The following PCDH11Y variants were observed in gnomAD, a reference collection of about 807,000 sequenced individuals.
PCDH11Y encodes protocadherin 11 Y-linked.
For missense variants in PCDH11Y, 12 were observed against 224.8 expected (o/e 0.05, Z 6.05); for synonymous variants, 9 against 83.6 (o/e 0.11, Z 4.87).
chrY:5,099,194 C>G (rs2052763594), exon 2 of PCDH11Y: 1 of 396,556 alleles, frequency 2.5e-6, no homozygotes, highest in African/African-American at 6.5e-5. Context: ...CTGCTAGGCC[C>G]TGATGCTCCA....
At chrY:5,002,769 AC>A (rs2052533004) in intron 1 of PCDH11Y, 5 of 34,317 alleles carry the variant, frequency 1.5e-4, no homozygotes, top group Admixed American at 1.3e-3. Flanking sequence ...GTCTAAAGAT[AC>A]CTTTCTCCCT....
At chrY:5,231,761 G>A in intron 2 of PCDH11Y, among the ~76,000 whole-genome samples, 3 of 33,201 alleles carry the variant, frequency 9.0e-5, no homozygotes, top group Non-Finnish European at 1.5e-4. Context: ...CCCTATGTGC[G>A]TCCAGAAGAA....
chrY:5,240,360 T>C, intron 2 of PCDH11Y, among the ~76,000 whole-genome samples: 1 of 33,041 alleles, frequency 3.0e-5, no homozygotes. Flanking sequence ...AATATTGATA[T>C]TTTGACCTCC....
intron 2 of PCDH11Y, among the ~76,000 whole-genome samples, chrY:5,400,238 G>T (rs2053231532): frequency 5.7e-5 from 2 of 34,808 alleles, no homozygotes; most frequent in African/African-American, 2.2e-4. Context: ...GATTGCTCAT[G>T]CTATTGTTTG....
At chrY:5,025,587 A>G in intron 1 of PCDH11Y, among the ~76,000 whole-genome samples, 1 of 33,711 alleles carries the variant, frequency 3.0e-5, no homozygotes, top group South Asian at 6.3e-4. Context: ...TTTACCAAAT[A>G]AGTCTTTTCA....
chrY:5,189,832 T>A (rs2124648112), intron 2 of PCDH11Y, among the ~76,000 whole-genome samples: 1 of 33,304 alleles, frequency 3.0e-5, no homozygotes, highest in South Asian at 6.6e-4. Context: ...TTTAATGACT[T>A]ATAATGGAAG....
intron 4 of PCDH11Y, among the ~76,000 whole-genome samples, chrY:5,594,466 C>G: frequency 3.2e-5 from 1 of 31,077 alleles, no homozygotes; most frequent in Non-Finnish European, 7.9e-5. Context: ...ACACACACAC[C>G]CCACACACAC....
intron 1 of PCDH11Y, among the ~76,000 whole-genome samples, chrY:5,001,976 A>G: frequency 2.9e-5 from 1 of 34,022 alleles, no homozygotes; most frequent in Non-Finnish European, 7.3e-5. Context: ...GATGCAAAAT[A>G]TGGGCTGGGG....
At chrY:5,065,644 A>G in intron 1 of PCDH11Y, among the ~76,000 whole-genome samples, 1 of 32,477 alleles carries the variant, frequency 3.1e-5, no homozygotes, top group Admixed American at 2.8e-4. Flanking sequence ...TGACAACATT[A>G]ATCTATTTCT....
chrY:5,503,685 C>CGT (rs1361412141), intron 3 of PCDH11Y, among the ~76,000 whole-genome samples: 34 of 29,576 alleles, frequency 1.1e-3, no homozygotes, highest in East Asian at 2.7e-3. Flanking sequence ...TAACATAGTA[C>CGT]GTGTGTGTGT....
chrY:5,407,913 C>CA (rs772153672), intron 2 of PCDH11Y, among the ~76,000 whole-genome samples: 10 of 2,512 alleles, frequency 4.0e-3, no homozygotes, highest in Non-Finnish European at 5.6e-3. Context: ...GACTCCGTCT[C>CA]AAAAAAAAAA....
At chrY:5,632,118 A>G (rs2124703795) in intron 4 of PCDH11Y, among the ~76,000 whole-genome samples, 1 of 32,668 alleles carries the variant, frequency 3.1e-5, no homozygotes, top group South Asian at 7.0e-4. Context: ...TAAATGAGAG[A>G]TGATGTATCC....
chrY:5,690,510 T>G, intron 4 of PCDH11Y, among the ~76,000 whole-genome samples: 1 of 33,027 alleles, frequency 3.0e-5, no homozygotes. Flanking sequence ...TATTTTTCAT[T>G]AAGTTTTTAA....
At chrY:5,369,963 G>A in intron 2 of PCDH11Y, among the ~76,000 whole-genome samples, 2 of 33,237 alleles carry the variant, frequency 6.0e-5, no homozygotes, top group African/African-American at 2.4e-4. Flanking sequence ...TTACCATAGT[G>A]TCAGTTTGGT....
intron 1 of PCDH11Y, among the ~76,000 whole-genome samples, chrY:5,096,673 T>C (rs2124634789): frequency 4.0e-5 from 1 of 25,078 alleles, no homozygotes; most frequent in Non-Finnish European, 9.2e-5. Context: ...CATCTTATTG[T>C]AGTACAGGGA....
intron 2 of PCDH11Y, among the ~76,000 whole-genome samples, chrY:5,486,704 T>TATATATAC: frequency 1.3e-4 from 1 of 7,432 alleles, no homozygotes; most frequent in Admixed American, 1.5e-3. Context: ...TATATATATA[T>TATATATAC]ACACATATAT....
intron 2 of PCDH11Y, among the ~76,000 whole-genome samples, chrY:5,385,155 T>C: frequency 4.0e-5 from 1 of 24,765 alleles, no homozygotes; most frequent in Non-Finnish European, 9.5e-5. Flanking sequence ...TTTTTTTTAA[T>C]TTCCATAGGT....
At chrY:5,438,516 G>A (rs2053277327) in intron 2 of PCDH11Y, among the ~76,000 whole-genome samples, 3 of 32,802 alleles carry the variant, frequency 9.1e-5, no homozygotes, top group Admixed American at 2.8e-4. Context: ...GTCAATAGAG[G>A]GAACAATCTG....
intron 4 of PCDH11Y, among the ~76,000 whole-genome samples, chrY:5,624,313 TTTTTTTC>T (rs2053504083): frequency 6.2e-5 from 2 of 32,382 alleles, no homozygotes; most frequent in Middle Eastern, 0.014. Flanking sequence ...TGATAGTTGT[TTTTTTTC>T]TTTTTTCTTT....
Sources: allele counts gnomAD v4.1 joint callset (sites outside exome capture counted in the v4.1 genomes callset), GRCh38; gene constraint gnomAD v4.1.1; transcripts MANE v1.5; gene names NCBI Gene and HGNC (gene_info 2026-07-23, HGNC 2026-07-21).